CELF2: variants seen among roughly 807,000 people sequenced by gnomAD.
CELF2 encodes CUG triplet repeat RNA-binding protein 2.
Under a neutral mutation model 62.6 loss-of-function variants are expected in CELF2, and 8 were observed. That is an observed-to-expected ratio of 0.13 (90% CI 0.07 to 0.23). CELF2 has a LOEUF of 0.23. Ranked by LOEUF, CELF2 falls within the 10% of genes least tolerant of loss-of-function variation. The pLI is 1.00. For synonymous variants in CELF2, 258 were observed against 250.0 expected (o/e 1.03, Z -0.30); for missense variants, 333 against 671.0 (o/e 0.50, Z 5.56).
chr10:11,148,960 G>T lies in CELF2; in HGVS notation c.75-16526G>T, dbSNP rs543584834. Among the ~76,000 whole-genome samples the T allele has an allele frequency of 1.3e-3, 199 of 152,222 alleles. 1 individual carries two copies. The highest frequency in any genetic ancestry group is 4.6e-3 in the African/African-American group (189 of 41,536). ...ACCTCATCACTCTGGTATCACTAGGGACCTTGCTCTGAGCTGGAATGCATT... is the reference window on the plus strand; with the variant it reads ...ACCTCATCACTCTGGTATCACTAGGTACCTTGCTCTGAGCTGGAATGCATT... On this transcript the variant is annotated intron_variant, in intron 1 of 12. Transcript: ENST00000633077.
At chr10:10,994,608 G>C (rs1180156842) in intron 2 of CELF2, among the ~76,000 whole-genome samples, 1 of 152,164 alleles carries the variant, frequency 6.6e-6, no homozygotes, top group Non-Finnish European at 1.5e-5. Context: ...TCTTAAACGA[G>C]CACAAACCCT....
At chr10:10,879,035 C>T (rs2061284425) in intron 1 of CELF2, among the ~76,000 whole-genome samples, 1 of 152,152 alleles carries the variant, frequency 6.6e-6, no homozygotes, top group South Asian at 2.1e-4. Context: ...GCACAAGGGG[C>T]CATTAATTAC....
the CELF2 span, among the ~76,000 whole-genome samples, chr10:10,613,463 G>A: frequency 1.3e-5 from 2 of 152,190 alleles, no homozygotes; most frequent in South Asian, 2.1e-4. Context: ...TGTGGTGATC[G>A]TATGGCTGAT....
At chr10:10,818,004 A>G (rs2056626867) in intron 1 of CELF2, among the ~76,000 whole-genome samples, 1 of 152,284 alleles carries the variant, frequency 6.6e-6, no homozygotes, top group East Asian at 1.9e-4. Context: ...CAAAGCACCT[A>G]GCACATGGTA....
chr10:11,103,571 G>A (rs1041642392), intron 1 of CELF2, among the ~76,000 whole-genome samples: 10 of 149,314 alleles, frequency 6.7e-5, no homozygotes, highest in African/African-American at 1.5e-4. Context: ...TATGCAAAGG[G>A]GGGAATTAGA....
chr10:11,053,671 G>A (rs2064463348), intron 1 of CELF2, among the ~76,000 whole-genome samples: 1 of 144,154 alleles, frequency 6.9e-6, no homozygotes, highest in Non-Finnish European at 1.5e-5. Flanking sequence ...CTGGAGTGCA[G>A]TGGCGTGATC....
chr10:10,989,066 C>T lies in CELF2; in HGVS notation c.89+69067C>T, dbSNP rs2053145381. On this transcript the variant is annotated intron_variant, in intron 2 of 13. Coordinates refer to the CELF2 transcript ENST00000636488. ...TAAATCAGTAGTTAACACGTGGGAA[C>T]TGTCTGAAGAAAACATTAAGTCCTC... Among the ~76,000 whole-genome samples, 5 of 152,228 alleles carry T rather than the reference C, an allele frequency of 3.3e-5. No homozygotes were observed. The South Asian group carries it at 1.0e-3, about 32-fold the overall frequency.
At chr10:10,921,803 A>G (rs547430342) in intron 2 of CELF2, among the ~76,000 whole-genome samples, 2 of 150,674 alleles carry the variant, frequency 1.3e-5, no homozygotes, top group African/African-American at 4.9e-5. Flanking sequence ...GGAGTCTTAG[A>G]CATTCTACCT....
chr10:11,018,830 A>C (rs937271713), intron 1 of CELF2: 7 of 152,268 alleles, frequency 4.6e-5, no homozygotes, highest in African/African-American at 1.7e-4. Context: ...TTACCCGCTC[A>C]TCTGATTTAA....
intron 1 of CELF2, among the ~76,000 whole-genome samples, chr10:11,019,886 C>G (rs2058031743): frequency 6.6e-6 from 1 of 152,106 alleles, no homozygotes; most frequent in African/African-American, 2.4e-5. Context: ...CCTCTAGAGG[C>G]TAGAGGGTCC....
the CELF2 span, among the ~76,000 whole-genome samples, chr10:10,483,915 A>G: frequency 1.6e-5 from 2 of 126,818 alleles, no homozygotes; most frequent in Non-Finnish European, 3.3e-5. Context: ...TCTGTGTCTC[A>G]TCTCTCTCTC....
In CELF2 at chr10:11,268,807, C is replaced by T. The variant is rs190784541; in HGVS notation, c.619-1859C>T. ...AACTAATTATATTATTTCCAGGACT[C>T]TGGCATACATCTTTAACCAAGATGT... On this transcript the variant is annotated intron_variant, in intron 6 of 12. Transcript: ENST00000633077. This position sits in a 1 kb window ranked among gnomAD's most constrained non-coding sequence, Gnocchi z 4.7. Among the ~76,000 whole-genome samples, 1 of 152,234 alleles carries T rather than the reference C, an allele frequency of 6.6e-6. No individual in the cohort carries two copies. Among genetic ancestry groups the T allele is most frequent in the East Asian group, 1.9e-4 (1 of 5,188 alleles).
the CELF2 span, among the ~76,000 whole-genome samples, chr10:10,625,740 C>T: frequency 6.6e-6 from 1 of 152,178 alleles, no homozygotes; most frequent in Non-Finnish European, 1.5e-5. Flanking sequence ...CGCTTCTTAT[C>T]CATCCCTCAT....
chr10:10,497,542 G>A, the CELF2 span, among the ~76,000 whole-genome samples: 1 of 152,068 alleles, frequency 6.6e-6, no homozygotes, highest in South Asian at 2.1e-4. Context: ...AGTGCTACAG[G>A]TTAAAAAAAA....
At chr10:10,636,084 T>C in the CELF2 span, among the ~76,000 whole-genome samples, 2 of 152,246 alleles carry the variant, frequency 1.3e-5, no homozygotes, top group East Asian at 3.8e-4. Flanking sequence ...GGAATGAATT[T>C]TGCACTCTTC....
the CELF2 span, among the ~76,000 whole-genome samples, chr10:10,582,561 A>G: frequency 6.6e-6 from 1 of 152,152 alleles, no homozygotes; most frequent in Non-Finnish European, 1.5e-5. Context: ...AATCCTTTCC[A>G]ATTCCAGTTA....
the CELF2 span, among the ~76,000 whole-genome samples, chr10:10,714,138 G>A: frequency 8.5e-5 from 13 of 152,164 alleles, no homozygotes; most frequent in African/African-American, 2.7e-4. Context: ...GGTGATTAAA[G>A]ACATCGCTCC....
At chr10:11,172,881 A>G (rs1332947710) in intron 2 of CELF2, among the ~76,000 whole-genome samples, 1 of 152,262 alleles carries the variant, frequency 6.6e-6, no homozygotes, top group African/African-American at 2.4e-5. Flanking sequence ...TAGCAGAAGA[A>G]TAAAGAAAAC....
chr10:10,654,000 A>G, the CELF2 span, among the ~76,000 whole-genome samples: 1 of 151,700 alleles, frequency 6.6e-6, no homozygotes, highest in Non-Finnish European at 1.5e-5. Flanking sequence ...AAGAGAGAAG[A>G]ATCAAATACA....
Sources: allele counts gnomAD v4.1 joint callset (sites outside exome capture counted in the v4.1 genomes callset), GRCh38; gene constraint gnomAD v4.1.1; non-coding constraint Gnocchi (gnomAD v3.1); transcripts MANE v1.5; gene names NCBI Gene and HGNC (gene_info 2026-07-23, HGNC 2026-07-21).